Variants in NRG1 observed in about 807,000 individuals in gnomAD.
NRG1 encodes pro-neuregulin-1, membrane-bound isoform.
In NRG1, 18 loss-of-function variants were observed where a neutral mutation model predicts 63.8. That is an observed-to-expected ratio of 0.28 (90% CI 0.19 to 0.42). NRG1 has a LOEUF of 0.42. Ranked by LOEUF, NRG1 falls within the 10% of genes least tolerant of loss-of-function variation. The pLI is 1.00. For synonymous variants in NRG1, 302 were observed against 301.3 expected, an observed-to-expected ratio of 1.00 and a Z score of -0.02; for missense variants, 762 against 814.7, an observed-to-expected ratio of 0.94 and a Z score of 0.79.
chr8:32,149,933 C>CT (rs1837315603), intron 1 of NRG1, among the ~76,000 whole-genome samples: 1 of 152,172 alleles, frequency 6.6e-6, no homozygotes, highest in South Asian at 2.1e-4. Flanking sequence ...CTGAGTTCAG[C>CT]TTTAAAATTA....
chr8:32,196,943 C>CTTTATTTT (rs1843010676), intron 1 of NRG1, among the ~76,000 whole-genome samples: 1 of 27,444 alleles, frequency 3.6e-5, no homozygotes, highest in Non-Finnish European at 7.2e-5. Flanking sequence ...TCAGAACATT[C>CTTTATTTT]TTTTTTTTTT....
In NRG1 at chr8:31,640,445, C is replaced by T; in HGVS notation, c.37+1014C>T. On this transcript the variant is annotated intron_variant, in intron 1 of 10. Coordinates refer to the NRG1 transcript ENST00000519301. This position sits in a 1 kb window ranked among gnomAD's most constrained non-coding sequence, Gnocchi z 6.3. ...GCCCCGGTGCCCAGCGCCGGCGAGC[C>T]CGGGGAGGAGGCGCCCTATCTGGTG... 6.5e-7 allele frequency: 1 copy of T among 1,544,728 alleles called. No homozygotes were observed. The highest frequency in any genetic ancestry group is 1.2e-5 in the South Asian group (1 of 83,546).
intron 1 of NRG1, among the ~76,000 whole-genome samples, chr8:32,412,469 T>TATAC (rs1554532966): frequency 7.5e-6 from 1 of 134,062 alleles, no homozygotes; most frequent in Admixed American, 7.8e-5. Flanking sequence ...TATATATATA[T>TATAC]ATATATGAAC....
intron 5 of NRG1, among the ~76,000 whole-genome samples, chr8:32,662,592 G>A (rs1052240532): frequency 1.3e-5 from 2 of 152,120 alleles, no homozygotes; most frequent in Non-Finnish European, 2.9e-5. Context: ...GGAAATAGTC[G>A]GACCACTGAG....
At chr8:32,396,365 G>A (rs576130113) in intron 1 of NRG1, among the ~76,000 whole-genome samples, 50 of 152,214 alleles carry the variant, frequency 3.3e-4, no homozygotes, top group African/African-American at 1.2e-3. Context: ...ACTTATTTTG[G>A]TTCTTTAAAA....
intron 1 of NRG1, among the ~76,000 whole-genome samples, chr8:32,489,007 G>C (rs1214857044): frequency 1.3e-5 from 2 of 152,188 alleles, no homozygotes; most frequent in Non-Finnish European, 2.9e-5. Context: ...AAGCTTTAGA[G>C]CAGGAATGAA....
At chr8:31,735,443 T>C (rs1814565266) in intron 1 of NRG1, among the ~76,000 whole-genome samples, 1 of 152,168 alleles carries the variant, frequency 6.6e-6, no homozygotes, top group Admixed American at 6.5e-5. Context: ...TAAAGTAATT[T>C]AAATTTCTAT....
At position 31,670,933 on chromosome 8, in the gene NRG1, C is replaced by T. The variant is rs374975484; in HGVS notation, c.37+31502C>T. ...TAATCAACATAATAACCGATAGGTA[C>T]TTTTTCAGTTCTCACCCTTCTCTCG... is the stretch of plus-strand genomic sequence containing the variant. On this transcript the variant is annotated intron_variant, in intron 1 of 10. Coordinates refer to the NRG1 transcript ENST00000519301. Among the ~76,000 whole-genome samples the T allele has an allele frequency of 3.8e-4, 58 of 152,258 alleles. 1 individual carries two copies. The highest frequency in any genetic ancestry group is 1.3e-3 in the African/African-American group (56 of 41,558).
intron 1 of NRG1, among the ~76,000 whole-genome samples, chr8:32,246,867 A>G (rs905796399): frequency 6.6e-6 from 1 of 151,992 alleles, no homozygotes; most frequent in African/African-American, 2.4e-5. Flanking sequence ...ATTAGGAGGA[A>G]TCTGTTTTTG....
chr8:32,344,509 G>A (rs567404866), intron 1 of NRG1, among the ~76,000 whole-genome samples: 1 of 149,750 alleles, frequency 6.7e-6, no homozygotes, highest in Non-Finnish European at 1.5e-5. Flanking sequence ...TTGGCTCACT[G>A]CAGCCCCGAC....
intron 7 of NRG1, chr8:32,749,955 G>A (rs1188244888): frequency 6.0e-5 from 13 of 215,176 alleles, no homozygotes; most frequent in African/African-American, 2.3e-4. Flanking sequence ...TCAGAGACCT[G>A]AGAACAAAGG....
At chr8:31,684,128 A>T (rs1808621281) in intron 1 of NRG1, among the ~76,000 whole-genome samples, 1 of 152,180 alleles carries the variant, frequency 6.6e-6, no homozygotes. Context: ...TTTGTTAGAA[A>T]TGTAAATTCT....
chr8:32,625,896 C>T (rs969710772), intron 5 of NRG1, among the ~76,000 whole-genome samples: 4 of 149,976 alleles, frequency 2.7e-5, no homozygotes, highest in Admixed American at 1.3e-4. Context: ...CGGGTTCAAG[C>T]GATTCTTTTG....
At chr8:32,507,963 G>A (rs1828728293) in intron 1 of NRG1, among the ~76,000 whole-genome samples, 1 of 152,192 alleles carries the variant, frequency 6.6e-6, no homozygotes, top group Admixed American at 6.5e-5. Context: ...CTCCCAAAGT[G>A]TTGGGATTAC....
intron 1 of NRG1, among the ~76,000 whole-genome samples, chr8:32,071,974 G>C (rs1264258160): frequency 6.6e-6 from 1 of 152,088 alleles, no homozygotes; most frequent in African/African-American, 2.4e-5. Context: ...CTTAATATAA[G>C]GTTCTTTAAG....
chr8:32,591,055 G>A (rs1842446559), intron 1 of NRG1, among the ~76,000 whole-genome samples: 2 of 152,192 alleles, frequency 1.3e-5, no homozygotes, highest in Non-Finnish European at 2.9e-5. Context: ...ACTGACGGCA[G>A]AACATCCATA....
intron 1 of NRG1, among the ~76,000 whole-genome samples, chr8:31,913,595 G>A (rs994888670): frequency 6.6e-6 from 1 of 152,064 alleles, no homozygotes; most frequent in Non-Finnish European, 1.5e-5. Context: ...CAAGGGCCTC[G>A]TAGATTACTG....
intron 1 of NRG1, among the ~76,000 whole-genome samples, chr8:32,595,541 A>G (rs1381511762): frequency 1.3e-5 from 2 of 152,148 alleles, no homozygotes; most frequent in Non-Finnish European, 2.9e-5. Flanking sequence ...ACCAACATTC[A>G]GGATTCTTAA....
chr8:32,756,258 A>G, intron 8 of NRG1, 145 bp from the exon 9 acceptor site: 4 of 792,720 alleles, frequency 5.0e-6, no homozygotes. Context: ...TTATTCTGGG[A>G]TACAGTGGAC....
Sources: gnomAD v4.1 joint callset for allele counts (sites outside exome capture counted in the v4.1 genomes callset) on GRCh38, gnomAD v4.1.1 for gene constraint, Gnocchi (gnomAD v3.1) non-coding constraint, MANE v1.5 for transcripts, NCBI Gene and HGNC (gene_info 2026-07-23, HGNC 2026-07-21) for gene names.